The following CNTNAP2 variants were observed in gnomAD, a reference collection of about 807,000 sequenced individuals.
CNTNAP2 encodes contactin associated protein 2, also known as contactin-associated protein-like 2.
In CNTNAP2, 98 loss-of-function variants were observed where a neutral mutation model predicts 155.2. The observed-to-expected ratio is 0.63, with a 90% CI of 0.54 to 0.75. The LOEUF (loss-of-function observed/expected upper bound fraction) is 0.75. Among genes scored for constraint, CNTNAP2 ranks in the 30% least tolerant of loss-of-function variants. CNTNAP2 has a pLI of 0.00. For synonymous variants in CNTNAP2, 651 were observed against 631.2 expected (o/e 1.03, Z -0.47); for missense variants, 1,727 against 1,688.1 (o/e 1.02, Z -0.40).
intron 14 of CNTNAP2, among the ~76,000 whole-genome samples, chr7:147,948,609 G>C (rs1411895785): frequency 6.8e-6 from 1 of 147,712 alleles, no homozygotes. Context: ...ATATATGTAT[G>C]TATATATACA....
At chr7:147,643,686 T>C (rs917919017) in intron 13 of CNTNAP2, among the ~76,000 whole-genome samples, 3 of 152,198 alleles carry the variant, frequency 2.0e-5, no homozygotes, top group African/African-American at 7.2e-5. Flanking sequence ...ATTATAGTGA[T>C]TGCAATTAAA....
intron 1 of CNTNAP2, among the ~76,000 whole-genome samples, chr7:146,502,584 G>A (rs776165461): frequency 2.0e-5 from 3 of 151,872 alleles, no homozygotes; most frequent in African/African-American, 4.8e-5. Flanking sequence ...GTCATTTTAA[G>A]TGGAGTGAGA....
At chr7:146,355,435 A>G (rs969601350) in intron 1 of CNTNAP2, among the ~76,000 whole-genome samples, 1 of 152,164 alleles carries the variant, frequency 6.6e-6, no homozygotes, top group Non-Finnish European at 1.5e-5. Context: ...CAAGTCCATA[A>G]AGTCCCCTGT....
intron 1 of CNTNAP2, among the ~76,000 whole-genome samples, chr7:146,586,581 C>G (rs906116780): frequency 6.6e-6 from 1 of 151,492 alleles, no homozygotes; most frequent in African/African-American, 2.4e-5. Flanking sequence ...TTAGGGTTCA[C>G]CAAAGGTAAT....
intron 1 of CNTNAP2, among the ~76,000 whole-genome samples, chr7:146,359,491 C>A (rs1795050997): frequency 6.6e-6 from 1 of 152,152 alleles, no homozygotes. Context: ...CATATTGTCC[C>A]TTATTACCTT....
chr7:146,340,512 A>C, intron 1 of CNTNAP2, among the ~76,000 whole-genome samples: 1 of 152,072 alleles, frequency 6.6e-6, no homozygotes, highest in East Asian at 1.9e-4. Context: ...AAATAATTTA[A>C]AAATAGTATA....
rs373366088 is a variant in CNTNAP2, at chr7:148,283,268, AAAG to A, written c.3475+16145_3475+16147del. Among the ~76,000 whole-genome samples, 604 of 87,926 alleles carry A rather than the reference AAAG, an allele frequency of 6.9e-3. 23 individuals are homozygous for A. The highest frequency in any genetic ancestry group is 8.0e-3 in the Non-Finnish European group (346 of 43,338). The allele number at this position is 87,926 out of a possible 152,430, so 57.7% of individuals were successfully genotyped here. On this transcript the variant is annotated intron_variant, in intron 21 of 23. Transcript: ENST00000361727. ...AAAAAAAAAAAAAAAAGAAAGAAAG[AAAG>A]AAAGAAAGAAAGAAAGAAAGAAAGA...
intron 1 of CNTNAP2, among the ~76,000 whole-genome samples, chr7:146,144,651 A>G (rs935649819): frequency 1.3e-5 from 2 of 152,064 alleles, no homozygotes; most frequent in African/African-American, 4.8e-5. Flanking sequence ...GGCTGAGACT[A>G]TGTCATTCTA....
intron 1 of CNTNAP2, among the ~76,000 whole-genome samples, chr7:146,587,622 T>C (rs543297664): frequency 6.6e-6 from 1 of 152,274 alleles, no homozygotes; most frequent in East Asian, 1.9e-4. Flanking sequence ...GTAATATATA[T>C]GTCTGCAAGT....
At chr7:147,714,918 A>G (rs995066147) in intron 13 of CNTNAP2, among the ~76,000 whole-genome samples, 3 of 152,100 alleles carry the variant, frequency 2.0e-5, no homozygotes, top group Non-Finnish European at 2.9e-5. Flanking sequence ...CACAAATGCT[A>G]TATTTATAAA....
At chr7:146,451,485 C>T (rs1018753843) in intron 1 of CNTNAP2, among the ~76,000 whole-genome samples, 17 of 152,154 alleles carry the variant, frequency 1.1e-4, no homozygotes, top group Admixed American at 6.5e-5. Context: ...AGGCCAGCTC[C>T]ATGGGGATGC....
At chr7:146,652,999 G>A (rs1025353697) in intron 1 of CNTNAP2, among the ~76,000 whole-genome samples, 3 of 152,092 alleles carry the variant, frequency 2.0e-5, no homozygotes, top group African/African-American at 7.2e-5. Context: ...AGTATTCACA[G>A]CCTCTGTTTT....
At chr7:147,479,031 C>T (rs559982162) in intron 10 of CNTNAP2, among the ~76,000 whole-genome samples, 1 of 152,302 alleles carries the variant, frequency 6.6e-6, no homozygotes, top group East Asian at 1.9e-4. Flanking sequence ...CATGGGCATC[C>T]ACAACTGTCT....
intron 13 of CNTNAP2, among the ~76,000 whole-genome samples, chr7:147,870,416 T>C (rs1413833118): frequency 1.3e-5 from 2 of 152,144 alleles, no homozygotes; most frequent in African/African-American, 4.8e-5. Flanking sequence ...CTCTCCCTGC[T>C]CAGCATTGCC....
intron 3 of CNTNAP2, among the ~76,000 whole-genome samples, chr7:146,936,365 C>A (rs984047395): frequency 3.9e-5 from 6 of 152,166 alleles, no homozygotes; most frequent in Non-Finnish European, 8.8e-5. Flanking sequence ...GCAAACAGGA[C>A]GTTTCTGTAT....
At chr7:147,074,913 A>C (rs953477953) in intron 4 of CNTNAP2, among the ~76,000 whole-genome samples, 2 of 151,884 alleles carry the variant, frequency 1.3e-5, no homozygotes, top group African/African-American at 2.4e-5. Context: ...CTTCTGAAGC[A>C]TTTTTTTTAA....
chr7:147,742,015 T>C (rs1325127961), intron 13 of CNTNAP2, among the ~76,000 whole-genome samples: 1 of 152,142 alleles, frequency 6.6e-6, no homozygotes, highest in Non-Finnish European at 1.5e-5. Flanking sequence ...ACATCTTACA[T>C]GGATGGTGCA....
chr7:147,341,070 TTGTGTG>T (rs61319652), intron 9 of CNTNAP2, among the ~76,000 whole-genome samples: 1 of 148,880 alleles, frequency 6.7e-6, no homozygotes, highest in Non-Finnish European at 1.5e-5. Flanking sequence ...CATTGTGTGT[TTGTGTG>T]TGTGTGTGTG....
chr7:147,860,069 G>A (rs149715396), intron 13 of CNTNAP2, among the ~76,000 whole-genome samples: 88 of 152,186 alleles, frequency 5.8e-4, no homozygotes, highest in African/African-American at 1.9e-3. Context: ...GGGTCATGGG[G>A]GCGGTTTCCC....
Sources: allele counts gnomAD v4.1 joint callset (sites outside exome capture counted in the v4.1 genomes callset), GRCh38; gene constraint gnomAD v4.1.1; transcripts MANE v1.5; gene names NCBI Gene and HGNC (gene_info 2026-07-23, HGNC 2026-07-21).